Variants in IPMK observed in about 807,000 individuals in gnomAD.
The protein encoded by IPMK is inositol polyphosphate multikinase, also known as inositol 1,3,4,6-tetrakisphosphate 5-kinase.
Under a neutral mutation model 45.8 loss-of-function variants are expected in IPMK, and 17 were observed. The observed-to-expected ratio is 0.37, with a 90% confidence interval of 0.25 to 0.56. IPMK has a LOEUF of 0.56. Ranked by LOEUF, IPMK falls within the 20% of genes least tolerant of loss-of-function variation. The pLI, the probability that IPMK is intolerant of heterozygous loss-of-function variation, is 0.79. For missense variants in IPMK, 399 were observed against 498.0 expected (o/e 0.80, Z 1.89); for synonymous variants, 180 against 184.3 (o/e 0.98, Z 0.19).
intron 4 of IPMK, among the ~76,000 whole-genome samples, chr10:58,213,972 G>A (rs1323066688): frequency 2.0e-5 from 3 of 152,214 alleles, no homozygotes; most frequent in Non-Finnish European, 4.4e-5. Context: ...GGGAAATAGG[G>A]AAATAGAAAT....
chr10:58,240,239 A>G (rs1588966148), intron 1 of IPMK, among the ~76,000 whole-genome samples: 1 of 152,298 alleles, frequency 6.6e-6, no homozygotes, highest in East Asian at 1.9e-4. Flanking sequence ...GAAAAGGCAC[A>G]GTATCTGAAA....
At chr10:58,247,805 CAATA>C (rs764367453) in intron 1 of IPMK, among the ~76,000 whole-genome samples, 5 of 151,888 alleles carry the variant, frequency 3.3e-5, no homozygotes, top group South Asian at 4.2e-4. Flanking sequence ...TAAAGTATAA[CAATA>C]AATAAATAAA....
chr10:58,206,190 A>T (rs535576005), intron 4 of IPMK, among the ~76,000 whole-genome samples: 1 of 151,010 alleles, frequency 6.6e-6, no homozygotes. Context: ...CAAAGAAGCC[A>T]GTCACAAAAT....
intron 2 of IPMK, among the ~76,000 whole-genome samples, chr10:58,233,439 C>T (rs1397307547): frequency 6.6e-6 from 1 of 152,138 alleles, no homozygotes; most frequent in African/African-American, 2.4e-5. Flanking sequence ...TACTGGCAAA[C>T]CAAATCCAGC....
intron 1 of IPMK, among the ~76,000 whole-genome samples, chr10:58,261,938 T>C (rs965448204): frequency 2.6e-5 from 4 of 152,184 alleles, no homozygotes; most frequent in Admixed American, 1.3e-4. Context: ...TTGATGTCCT[T>C]TGTAGCGACA....
intron 3 of IPMK, among the ~76,000 whole-genome samples, chr10:58,225,626 C>T (rs2790234): frequency 6.6e-6 from 1 of 151,970 alleles, no homozygotes; most frequent in Admixed American, 6.6e-5. Context: ...ATCTTTTAAA[C>T]TAAGCATTTA....
chr10:58,246,177 C>T (rs11817644), intron 1 of IPMK, among the ~76,000 whole-genome samples: 25,428 of 115,832 alleles, frequency 0.22, 4,242 homozygotes, highest in African/African-American at 0.48. Context: ...TGGAAGAACA[C>T]TGCATGCTCA....
At chr10:58,202,916 G>A (rs1016328716) in intron 4 of IPMK, among the ~76,000 whole-genome samples, 2 of 152,128 alleles carry the variant, frequency 1.3e-5, no homozygotes, top group Non-Finnish European at 2.9e-5. Flanking sequence ...GCAGTTCTAT[G>A]GATCAAGGAG....
chr10:58,212,907 GT>G, intron 4 of IPMK: 1 of 231,734 alleles, frequency 4.3e-6, no homozygotes, highest in Non-Finnish European at 9.5e-6. Context: ...AGTCATCAGT[GT>G]TACCCTCTGT....
chr10:58,248,871 T>A (rs1027459591), intron 1 of IPMK, among the ~76,000 whole-genome samples: 2 of 152,224 alleles, frequency 1.3e-5, no homozygotes, highest in African/African-American at 4.8e-5. Context: ...ATGACAGGAT[T>A]TCATTCTTTT....
chr10:58,267,324 G>A (rs1013938928), intron 1 of IPMK, 98 bp downstream of exon 1: 19 of 1,193,964 alleles, frequency 1.6e-5, no homozygotes, highest in South Asian at 1.3e-4. Flanking sequence ...ACACCAGGGG[G>A]GCGTCCAGGC....
intron 5 of IPMK, among the ~76,000 whole-genome samples, chr10:58,197,787 C>G (rs960341852): frequency 2.6e-5 from 4 of 152,146 alleles, no homozygotes; most frequent in South Asian, 4.1e-4. Context: ...AATCCCAGCA[C>G]TTTCGGAGGC....
intron 2 of IPMK, among the ~76,000 whole-genome samples, chr10:58,231,323 GAGAATGCCACA>G (rs1310683617): frequency 6.6e-6 from 1 of 152,086 alleles, no homozygotes; most frequent in Non-Finnish European, 1.5e-5. Context: ...AGGAAATACG[GAGAATGCCACA>G]AAGATACTCC....
chr10:58,214,146 A>C (rs907084618), intron 4 of IPMK, among the ~76,000 whole-genome samples: 1 of 152,210 alleles, frequency 6.6e-6, no homozygotes, highest in Middle Eastern at 3.2e-3. Flanking sequence ...AGTTGAAAAT[A>C]TAAGAAAGAT....
intron 2 of IPMK, among the ~76,000 whole-genome samples, chr10:58,232,327 G>A (rs1838537091): frequency 6.6e-6 from 1 of 152,150 alleles, no homozygotes; most frequent in Non-Finnish European, 1.5e-5. Context: ...TCTACAACAA[G>A]CAGACCTAAT....
At chr10:58,214,955 C>A (rs142584513) in intron 4 of IPMK, among the ~76,000 whole-genome samples, 2 of 152,118 alleles carry the variant, frequency 1.3e-5, no homozygotes, top group African/African-American at 4.8e-5. Context: ...TCTGTTTTCT[C>A]GCCCCATAAA....
intron 1 of IPMK, among the ~76,000 whole-genome samples, chr10:58,256,330 C>T (rs927994206): frequency 2.6e-5 from 4 of 152,080 alleles, no homozygotes; most frequent in Non-Finnish European, 4.4e-5. Flanking sequence ...CTGCCTTATG[C>T]GGTTGAAGAT....
chr10:58,207,774 T>C (rs1838092109), intron 4 of IPMK, among the ~76,000 whole-genome samples: 1 of 152,172 alleles, frequency 6.6e-6, no homozygotes, highest in Non-Finnish European at 1.5e-5. Context: ...TTTCCTAGGA[T>C]TTCTTTGCGT....
At chr10:58,261,122 GA>G (rs1839059873) in intron 1 of IPMK, among the ~76,000 whole-genome samples, 1 of 134,324 alleles carries the variant, frequency 7.4e-6, no homozygotes. Context: ...AAAAAAAAAT[GA>G]GGAGGAACTC....
Sources: gnomAD v4.1 joint callset for allele counts (sites outside exome capture counted in the v4.1 genomes callset) on GRCh38, gnomAD v4.1.1 for gene constraint, MANE v1.5 for transcripts, NCBI Gene and HGNC (gene_info 2026-07-23, HGNC 2026-07-21) for gene names.